Variants in PTBP2 observed in about 807,000 individuals in gnomAD.
PTBP2 encodes the protein polypyrimidine tract-binding protein 2.
In PTBP2, 13 loss-of-function variants were observed where a neutral mutation model predicts 61.4. The observed-to-expected ratio is 0.21, with a 90% CI of 0.14 to 0.34. The LOEUF is 0.34. Ranked by LOEUF, PTBP2 falls within the 10% of genes least tolerant of loss-of-function variation. The pLI is 1.00. For missense variants in PTBP2, 405 were observed against 642.6 expected (o/e 0.63, Z 4.00); for synonymous variants, 215 against 218.5 (o/e 0.98, Z 0.14).
chr1:96,767,824 G>C (rs1342992192), intron 3 of PTBP2, among the ~76,000 whole-genome samples: 1 of 152,096 alleles, frequency 6.6e-6, no homozygotes, highest in African/African-American at 2.4e-5. Flanking sequence ...TTTGTCAGTA[G>C]TGAAAGGACA....
chr1:96,747,616 C>CTGAA (rs1239225581), intron 2 of PTBP2, among the ~76,000 whole-genome samples: 1 of 152,014 alleles, frequency 6.6e-6, no homozygotes, highest in Non-Finnish European at 1.5e-5. Flanking sequence ...AAGGCAAAGG[C>CTGAA]TGAAAAAACT....
intron 11 of PTBP2, among the ~76,000 whole-genome samples, chr1:96,812,341 C>A (rs1438283429): frequency 6.6e-6 from 1 of 152,010 alleles, no homozygotes; most frequent in East Asian, 1.9e-4. Context: ...ATTTGAGGGA[C>A]AATTAGGAGG....
chr1:96,743,755 T>G (rs1424119185), intron 2 of PTBP2, among the ~76,000 whole-genome samples: 1 of 152,228 alleles, frequency 6.6e-6, no homozygotes. Context: ...GCAAAGAGTT[T>G]AATAACATTT....
In PTBP2 at chr1:96,814,050, T is replaced by A. The variant is rs1384643698; in HGVS notation, c.*645T>A. ...TAGGCATTAGTTAAAATTAACAAGA[T>A]GCAGAGTATTAATTTCTTAAGACAA... On this transcript the variant is annotated 3_prime_UTR_variant, in exon 14 of 14. Transcript: ENST00000674951. 1 of 152,552 alleles carries A rather than the reference T, an allele frequency of 6.6e-6. No individual in the cohort carries two copies. The highest frequency in any genetic ancestry group is 1.5e-5 in the Non-Finnish European group (1 of 67,972). 9.4% of individuals were successfully genotyped at this position (152,552 alleles called of 1,614,324 possible).
At chr1:96,753,008 G>A (rs541757389) in intron 3 of PTBP2, among the ~76,000 whole-genome samples, 3 of 152,202 alleles carry the variant, frequency 2.0e-5, no homozygotes, top group South Asian at 2.1e-4. Context: ...ACCAAGAGTG[G>A]GTGTCAGGGC....
At chr1:96,756,974 A>G (rs1243012027) in intron 3 of PTBP2, among the ~76,000 whole-genome samples, 2 of 152,200 alleles carry the variant, frequency 1.3e-5, no homozygotes, top group African/African-American at 2.4e-5. Context: ...AGTTGTAACA[A>G]TGTGCCATCT....
chr1:96,809,395 C>A (rs546220267), intron 11 of PTBP2, among the ~76,000 whole-genome samples: 4 of 152,164 alleles, frequency 2.6e-5, no homozygotes, highest in African/African-American at 9.7e-5. Flanking sequence ...CAAAGAGTAT[C>A]ATACAGACCT....
chr1:96,777,555 G>A, intron 5 of PTBP2, 30 bp from the exon 6 acceptor site: 1 of 1,578,510 alleles, frequency 6.3e-7, no homozygotes, highest in African/African-American at 1.4e-5. Flanking sequence ...TAATGGGTAT[G>A]TTTCTAAACT....
At chr1:96,755,326 A>C (rs535993154) in intron 3 of PTBP2, among the ~76,000 whole-genome samples, 1 of 152,330 alleles carries the variant, frequency 6.6e-6, no homozygotes, top group East Asian at 1.9e-4. Flanking sequence ...TAGTGACTAA[A>C]ATTAAAAAGA....
chr1:96,754,188 G>A (rs895376866), intron 3 of PTBP2, among the ~76,000 whole-genome samples: 2 of 152,128 alleles, frequency 1.3e-5, no homozygotes, highest in African/African-American at 2.4e-5. Flanking sequence ...CCAACACCTC[G>A]TATTAAAGGG....
At chr1:96,809,899 A>T (rs1661882898) in intron 11 of PTBP2, among the ~76,000 whole-genome samples, 1 of 152,176 alleles carries the variant, frequency 6.6e-6, no homozygotes, top group Non-Finnish European at 1.5e-5. Context: ...CAAGACTGGA[A>T]ATCAATGGTA....
chr1:96,788,898 C>T (rs1659487948), intron 8 of PTBP2, among the ~76,000 whole-genome samples: 1 of 152,154 alleles, frequency 6.6e-6, no homozygotes, highest in Non-Finnish European at 1.5e-5. Context: ...AGAAAGGAGA[C>T]TGAGTGCTTT....
At chr1:96,788,110 A>G (rs890140140) in intron 8 of PTBP2, among the ~76,000 whole-genome samples, 1 of 152,088 alleles carries the variant, frequency 6.6e-6, no homozygotes, top group Non-Finnish European at 1.5e-5. Flanking sequence ...GCCTATTTTA[A>G]TTTCTGTTAA....
Position 96,777,980 on chromosome 1 carries a change from T to A in PTBP2, c.708+34T>A, listed in dbSNP as rs1164161055. 5 of 1,199,908 alleles carry A rather than the reference T, an allele frequency of 4.2e-6. No individual in the cohort carries two copies. In the East Asian group the frequency reaches 9.5e-5, roughly 23 times the overall value. The allele number at this position is 1,199,908 out of a possible 1,614,324, so 74.3% of individuals were successfully genotyped here. A position where few individuals can be genotyped will look rare whatever the true frequency, so the allele number is the denominator to read the frequency against. ...TTCTTTTGAGATGGTGATTTTTTTT[T>A]ATTGAAATGTATATGTAGAAAAATA... On this transcript the variant is annotated intron_variant, in intron 7 of 13. Transcript: ENST00000674951.
intron 2 of PTBP2, among the ~76,000 whole-genome samples, chr1:96,748,923 C>G (rs947640657): frequency 1.3e-5 from 2 of 152,112 alleles, no homozygotes; most frequent in Non-Finnish European, 2.9e-5. Context: ...AATGCAAAGA[C>G]AGGCATAATT....
intron 3 of PTBP2, among the ~76,000 whole-genome samples, chr1:96,753,134 T>G (rs1654772325): frequency 6.6e-6 from 1 of 152,182 alleles, no homozygotes; most frequent in South Asian, 2.1e-4. Flanking sequence ...TTCACAGTTT[T>G]GGATAATGAC....
intron 2 of PTBP2, among the ~76,000 whole-genome samples, chr1:96,732,221 A>G (rs1196135249): frequency 1.3e-5 from 2 of 152,196 alleles, no homozygotes; most frequent in African/African-American, 4.8e-5. Flanking sequence ...ATAATGCTAA[A>G]TGTAACTTTT....
At chr1:96,744,419 C>A (rs745933589) in intron 2 of PTBP2, among the ~76,000 whole-genome samples, 1 of 152,030 alleles carries the variant, frequency 6.6e-6, no homozygotes, top group Non-Finnish European at 1.5e-5. Context: ...ATGAGTCCCC[C>A]TGTTGTATAT....
chr1:96,721,812 C>G lies in PTBP2; in HGVS notation c.-53C>G, dbSNP rs1326149399. 3 of 1,552,986 alleles carry G rather than the reference C, an allele frequency of 1.9e-6. No homozygotes were observed. Among genetic ancestry groups the G allele is most frequent in the South Asian group, 1.2e-5 (1 of 84,192 alleles). ...CGCCATTTTCTCGCCGCTTGTGTGG[C>G]TCGCTGGCTGCGTGGCTCGGTTCTT... On this transcript the variant is annotated 5_prime_UTR_variant, in exon 1 of 14. Transcript: ENST00000674951.
Sources: gnomAD v4.1 joint callset for allele counts (sites outside exome capture counted in the v4.1 genomes callset) on GRCh38, gnomAD v4.1.1 for gene constraint, MANE v1.5 for transcripts, NCBI Gene and HGNC (gene_info 2026-07-23, HGNC 2026-07-21) for gene names.